RAB11FIP3: variants seen among roughly 807,000 people sequenced by gnomAD.
RAB11FIP3 encodes the protein RAB11 family interacting protein 3.
In RAB11FIP3, 17 loss-of-function variants were observed where a neutral mutation model predicts 77.8. The ratio of observed to expected loss-of-function variants is 0.22; its 90% CI spans 0.15 to 0.33. The LOEUF is 0.33. RAB11FIP3 is among the 10% of genes least tolerant of loss of function. The pLI, the probability that RAB11FIP3 is intolerant of heterozygous loss-of-function variation, is 1.00. For synonymous variants in RAB11FIP3, 437 were observed against 448.2 expected (o/e 0.98, Z 0.31); for missense variants, 1,005 against 1,011.2 (o/e 0.99, Z 0.08).
intron 5 of RAB11FIP3, among the ~76,000 whole-genome samples, chr16:492,450 G>GCCCTCCCGGGAGACCCGAGGCCGCCCAGA (rs1567392309): frequency 4.4e-5 from 3 of 68,578 alleles, no homozygotes; most frequent in Non-Finnish European, 8.0e-5. Flanking sequence ...GGCCGCCCAG[G>GCCCTCCCGGGAGACCCGAGGCCGCCCAGA]GCCCTTCCCG....
rs2054941480 is a variant in RAB11FIP3, at chr16:426,342, C to T, written c.336C>T (p.Ser112=). ...ACGCCCCGGGCCCAGGGCCGCGCTC[C>T]GAAGCGCCGCTTCCAGAACTCGACC... is the stretch of plus-strand genomic sequence containing the variant. The part of the protein sequence containing the change: ...SPDAPGPGPR[S]EAPLPELDPL... Residue 112 remains serine (S), a synonymous_variant, in exon 1 of 14, where the codon TCC becomes TCT. Transcript: ENST00000262305. This position sits in a 1 kb window ranked among gnomAD's most constrained non-coding sequence, Gnocchi z 5.0. 2.0e-6 allele frequency: 3 copies of T among 1,503,938 alleles called. No individual in the cohort carries two copies. The highest frequency in any genetic ancestry group is 2.7e-6 in the Non-Finnish European group (3 of 1,127,204). 93.2% of individuals were successfully genotyped at this position (1,503,938 alleles called of 1,614,324 possible).
At chr16:480,162 A>G (rs2056006337) in intron 3 of RAB11FIP3, among the ~76,000 whole-genome samples, 1 of 150,322 alleles carries the variant, frequency 6.7e-6, no homozygotes, top group South Asian at 2.1e-4. Context: ...GCACGCATCT[A>G]TAATCCCAGC....
chr16:504,890 CTCCCCCACCTCCTCCTAT>C (rs2141865421), intron 7 of RAB11FIP3, among the ~76,000 whole-genome samples: 1 of 24,538 alleles, frequency 4.1e-5, no homozygotes, highest in East Asian at 9.2e-4. Context: ...CCTCCTCCTG[CTCCCCCACCTCCTCCTAT>C]ACCCCCATCT....
In RAB11FIP3 at chr16:507,323, G is replaced by A. The variant is rs1194554646; in HGVS notation, c.1499+1696G>A. Among the ~76,000 whole-genome samples, 1 of 152,158 alleles carries A rather than the reference G, an allele frequency of 6.6e-6. No individual in the cohort carries two copies. Among genetic ancestry groups the A allele is most frequent in the Admixed American group, 6.5e-5 (1 of 15,280 alleles). On this transcript the variant is annotated intron_variant, in intron 8 of 13. Coordinates refer to ENST00000262305, the MANE Select transcript of RAB11FIP3 (RefSeq NM_014700.4). This position sits in a 1 kb window ranked among gnomAD's most constrained non-coding sequence, Gnocchi z 4.6. ...AGACGGGGTTTCACCATATTGACCA[G>A]GCTGGTCTTGAACTCCTGACCTTGT...
At position 472,684 on chromosome 16, in the gene RAB11FIP3, C is replaced by T. The variant is rs557377370; in HGVS notation, c.903+1295C>T. Among the ~76,000 whole-genome samples the T allele has an allele frequency of 6.6e-6, 1 of 152,168 alleles. No individual in the cohort carries two copies. Among genetic ancestry groups the T allele is most frequent in the African/African-American group, 2.4e-5 (1 of 41,442 alleles). On this transcript the variant is annotated intron_variant, in intron 3 of 13. Transcript: ENST00000262305. This position sits in a 1 kb window ranked among gnomAD's most constrained non-coding sequence, Gnocchi z 4.1. ...TCTCACGTGTATCCGTCTTTTTGTT[C>T]CCCTCTCATGTTTGTTAGGGCATTG...
At chr16:462,676 G>A (rs377009026) in intron 2 of RAB11FIP3, among the ~76,000 whole-genome samples, 874 of 17,236 alleles carry the variant, frequency 0.051, 2 homozygotes, top group African/African-American at 0.13. Flanking sequence ...TCCCTTCCCC[G>A]GCACCGTCCC....
Position 471,194 on chromosome 16 carries a change from G to A in RAB11FIP3, c.809-101G>A. On this transcript the variant is annotated intron_variant, in intron 2 of 13. Coordinates refer to ENST00000262305, the MANE Select transcript of RAB11FIP3 (RefSeq NM_014700.4). The surrounding 1 kb of genome is among the most constrained non-coding windows in gnomAD (Gnocchi z 4.4). Reference sequence around the variant, plus strand: ...CAGGGCCCCCAACTCCCACACATCTGTCCCTGGGGGCCTCCTTCCCAGGGA... The same window carrying A: ...CAGGGCCCCCAACTCCCACACATCTATCCCTGGGGGCCTCCTTCCCAGGGA... 1 of 957,730 alleles carries A rather than the reference G, an allele frequency of 1.0e-6. No homozygotes were observed. Among genetic ancestry groups the A allele is most frequent in the East Asian group, 2.6e-5 (1 of 38,556 alleles). 59.3% of individuals were successfully genotyped at this position (957,730 alleles called of 1,614,324 possible). A position where few individuals can be genotyped will look rare whatever the true frequency, so the allele number is the denominator to read the frequency against.
intron 3 of RAB11FIP3, among the ~76,000 whole-genome samples, chr16:473,164 G>A (rs539181761): frequency 9.2e-5 from 14 of 152,254 alleles, no homozygotes; most frequent in East Asian, 3.9e-4. Flanking sequence ...GACGTTACTC[G>A]AGGCACCAAA....
At chr16:454,248 T>C (rs187087490) in intron 1 of RAB11FIP3, among the ~76,000 whole-genome samples, 88 of 152,282 alleles carry the variant, frequency 5.8e-4, no homozygotes, top group Non-Finnish European at 1.2e-3. Flanking sequence ...AGTTGCTTGC[T>C]ATAGTAGTTG....
intron 1 of RAB11FIP3, among the ~76,000 whole-genome samples, chr16:430,542 A>G (rs371704437): frequency 6.6e-6 from 1 of 152,206 alleles, no homozygotes; most frequent in Admixed American, 6.5e-5. Flanking sequence ...TCCTAGGGAC[A>G]TTTGACTGCA....
rs2054931044 is a variant in RAB11FIP3, at chr16:425,941, G to A, written c.-66G>A. On this transcript the variant is annotated 5_prime_UTR_variant, in exon 1 of 14. Coordinates refer to ENST00000262305, the MANE Select transcript of RAB11FIP3 (RefSeq NM_014700.4). ...CGCCGCCGAGGGGATGCCCGCGCCC[G>A]CCGCCGCGCCCTGAGCGCCTTTGTC... 2 of 698,142 alleles carry A rather than the reference G, an allele frequency of 2.9e-6. No homozygotes were observed. The highest frequency in any genetic ancestry group is 3.5e-6 in the Non-Finnish European group (2 of 570,424). The allele number at this position is 698,142 out of a possible 1,614,324, so 43.2% of individuals were successfully genotyped here.
chr16:452,330 A>T (rs983241233), intron 1 of RAB11FIP3: 1 of 152,126 alleles, frequency 6.6e-6, no homozygotes, highest in African/African-American at 2.4e-5. Context: ...GTGAGACTCC[A>T]TCTTAAAAAA....
chr16:442,063 T>A (rs2055236675), intron 1 of RAB11FIP3, among the ~76,000 whole-genome samples: 1 of 152,178 alleles, frequency 6.6e-6, no homozygotes, highest in Non-Finnish European at 1.5e-5. Context: ...TGGTCTCGTC[T>A]CCTGACCTCG....
chr16:480,699 C>T (rs1310217205), intron 3 of RAB11FIP3, among the ~76,000 whole-genome samples: 1 of 152,056 alleles, frequency 6.6e-6, no homozygotes, highest in East Asian at 1.9e-4. Context: ...AGGGTTTCAC[C>T]ATTTTGGCCA....
rs539833617 is a variant in RAB11FIP3, at chr16:466,680, C to T, written c.809-4615C>T. Among the ~76,000 whole-genome samples, 9 of 152,302 alleles carry T rather than the reference C, an allele frequency of 5.9e-5. No homozygotes were observed. The South Asian group carries it at 8.3e-4, about 14-fold the overall frequency. On this transcript the variant is annotated intron_variant, in intron 2 of 13. Coordinates refer to ENST00000262305, the MANE Select transcript of RAB11FIP3 (RefSeq NM_014700.4). ...GAGAGAGTGATCGTCCAAGGACAGC[C>T]CATCTCCAGATGTTTCTTAGTGGTT...
chr16:478,570 C>A (rs1203912504), intron 3 of RAB11FIP3, among the ~76,000 whole-genome samples: 1 of 152,136 alleles, frequency 6.6e-6, no homozygotes, highest in African/African-American at 2.4e-5. Flanking sequence ...TTTCTGAGAT[C>A]TTGTTTATTT....
Position 492,500 on chromosome 16 carries a change from G to A in RAB11FIP3, c.1265+3500G>A, listed in dbSNP as rs1465374393. Among the ~76,000 whole-genome samples, 4 of 108,730 alleles carry A rather than the reference G, an allele frequency of 3.7e-5. 1 individual carries two copies. The Admixed American group carries it at 3.8e-4, about 10-fold the overall frequency. 71.3% of individuals were successfully genotyped at this position (108,730 alleles called of 152,430 possible). A position where few individuals can be genotyped will look rare whatever the true frequency, so the allele number is the denominator to read the frequency against. On this transcript the variant is annotated intron_variant, in intron 5 of 13. Transcript: ENST00000262305. The stretch of plus-strand genomic sequence containing the variant: ...CGCCCAGGGCCCTCCCGGGAGACCC[G>A]AGGCCGCCCAGGGCCCTCCCGGGAG...
At chr16:451,033 A>T (rs2055399733) in intron 1 of RAB11FIP3, among the ~76,000 whole-genome samples, 1 of 151,758 alleles carries the variant, frequency 6.6e-6, no homozygotes, top group Non-Finnish European at 1.5e-5. Flanking sequence ...TTTCCTCATC[A>T]TGTTTGCTGA....
intron 1 of RAB11FIP3, among the ~76,000 whole-genome samples, chr16:445,107 C>CCG (rs2055290284): frequency 1.3e-5 from 1 of 79,730 alleles, no homozygotes; most frequent in Non-Finnish European, 2.3e-5. Context: ...GAGCGAGACT[C>CCG]TGTCTCAAAA....
Sources: gnomAD v4.1 joint callset for allele counts (sites outside exome capture counted in the v4.1 genomes callset) on GRCh38, gnomAD v4.1.1 for gene constraint, Gnocchi (gnomAD v3.1) non-coding constraint, MANE v1.5 for transcripts, NCBI Gene and HGNC (gene_info 2026-07-23, HGNC 2026-07-21) for gene names.